APBB2: variants seen among roughly 807,000 people sequenced by gnomAD.
APBB2 encodes Fe65-like 1.
In APBB2, 38 loss-of-function variants were observed where a neutral mutation model predicts 82.5. The observed-to-expected ratio is 0.46, with a 90% CI of 0.36 to 0.60. The LOEUF (loss-of-function observed/expected upper bound fraction) is 0.60. APBB2 is among the 20% of genes least tolerant of loss of function. The pLI is 0.00. For synonymous variants in APBB2, 341 were observed against 368.2 expected (o/e 0.93, Z 0.85); for missense variants, 772 against 972.3 (o/e 0.79, Z 2.74).
rs529000697 is a variant in APBB2, at chr4:41,013,871, G to A, written c.547C>T (p.His183Tyr). ...RELEQNRGNH[H>Y]GTAEEKSQPV... ...TGGGATTTCTCTTCCGCAGTCCCAT[G>A]GTGATTGCCTCGGTTCTGCTCTAGT... is the stretch of plus-strand genomic sequence containing the variant. The change falls in exon 6 of 18, where the codon CAT becomes TAT. Residue 183 changes from histidine (H) to tyrosine (Y), a missense_variant. Physicochemically the swap from His to Tyr is moderately conservative, Grantham distance 83. Coordinates refer to ENST00000508593, the MANE Select transcript of APBB2 (RefSeq NM_004307.2). The A allele has an allele frequency of 1.9e-4, 310 of 1,614,178 alleles. 2 individuals carry two copies. The South Asian group carries it at 3.2e-3, about 17-fold the overall frequency.
In APBB2 at chr4:40,984,008, C is replaced by T. The variant is rs544366234; in HGVS notation, c.835+29575G>A. Among the ~76,000 whole-genome samples the T allele has an allele frequency of 5.5e-4, 84 of 152,296 alleles. No individual in the cohort carries two copies. The South Asian group carries it at 0.012, about 23-fold the overall frequency. On this transcript the variant is annotated intron_variant, in intron 6 of 17. Transcript: ENST00000508593. ...TCCAAAGAGAATCCATCGTCAGCAA[C>T]CATCTGGTTAAAGTGCTGGGGGTGG...
intron 3 of APBB2, among the ~76,000 whole-genome samples, chr4:41,068,745 A>T: frequency 6.6e-6 from 1 of 151,250 alleles, no homozygotes; most frequent in Admixed American, 6.6e-5. Flanking sequence ...ACATTTCCAA[A>T]GGTGTACGTG....
chr4:41,177,632 G>C (rs1335655549), intron 1 of APBB2: 2 of 152,232 alleles, frequency 1.3e-5, no homozygotes, highest in East Asian at 1.9e-4. Flanking sequence ...ACACACACCT[G>C]GTCTGGGTCC....
At chr4:41,158,948 C>G (rs940514944) in intron 1 of APBB2, among the ~76,000 whole-genome samples, 2 of 152,152 alleles carry the variant, frequency 1.3e-5, no homozygotes, top group Non-Finnish European at 2.9e-5. Flanking sequence ...GCCTCCTAGT[C>G]TATGACCTGG....
chr4:40,973,323 T>G (rs1355079748), intron 6 of APBB2, among the ~76,000 whole-genome samples: 1 of 152,296 alleles, frequency 6.6e-6, no homozygotes, highest in East Asian at 1.9e-4. Flanking sequence ...GGCCATCTTC[T>G]CAAATTCACA....
chr4:41,178,599 A>T (rs1198535443), intron 1 of APBB2, among the ~76,000 whole-genome samples: 1 of 152,174 alleles, frequency 6.6e-6, no homozygotes, highest in African/African-American at 2.4e-5. Context: ...TGGATGAATG[A>T]ACCTCATCTT....
At chr4:41,163,742 A>T (rs1004169053) in intron 1 of APBB2, among the ~76,000 whole-genome samples, 1 of 152,202 alleles carries the variant, frequency 6.6e-6, no homozygotes, top group African/African-American at 2.4e-5. Flanking sequence ...GATTTCTCTG[A>T]GGCCTTCCAT....
At chr4:41,005,168 T>C (rs922246269) in intron 6 of APBB2, among the ~76,000 whole-genome samples, 8 of 151,470 alleles carry the variant, frequency 5.3e-5, no homozygotes, top group African/African-American at 2.0e-4. Context: ...CTCAGCTCAC[T>C]GCAACCTCAG....
chr4:40,850,269 C>A (rs772223173), intron 12 of APBB2, among the ~76,000 whole-genome samples: 5 of 152,166 alleles, frequency 3.3e-5, no homozygotes, highest in Non-Finnish European at 7.3e-5. Flanking sequence ...GACCACTGTG[C>A]CCGGCTTTGT....
intron 6 of APBB2, among the ~76,000 whole-genome samples, chr4:40,981,514 T>C (rs1483732381): frequency 6.6e-6 from 1 of 152,186 alleles, no homozygotes. Flanking sequence ...CCTCCATTAG[T>C]ACAGATAATT....
intron 4 of APBB2, among the ~76,000 whole-genome samples, chr4:41,036,345 T>C (rs1719155319): frequency 6.6e-6 from 1 of 152,164 alleles, no homozygotes; most frequent in African/African-American, 2.4e-5. Flanking sequence ...TAAAATAAAA[T>C]ATTCCTGTTT....
chr4:41,138,202 A>G lies in APBB2; in HGVS notation c.-261+4785T>C, dbSNP rs561463087. The G allele has an allele frequency of 9.8e-5, 15 of 152,330 alleles. 1 individual carries two copies. In the East Asian group the frequency reaches 2.9e-3, roughly 29 times the overall value. The allele number at this position is 152,330 out of a possible 1,614,324, so 9.4% of individuals were successfully genotyped here. A position where few individuals can be genotyped will look rare whatever the true frequency, so the allele number is the denominator to read the frequency against. On this transcript the variant is annotated intron_variant, in intron 2 of 17. Coordinates refer to ENST00000508593, the MANE Select transcript of APBB2 (RefSeq NM_004307.2). Reference sequence around the variant, plus strand: ...AAAACTAAGTTTTAGAAAGAAACACAGAAACTTTTCATGAGCTTTGATTAG... The same window carrying G: ...AAAACTAAGTTTTAGAAAGAAACACGGAAACTTTTCATGAGCTTTGATTAG...
At chr4:40,824,656 T>C (rs1347254569) in intron 15 of APBB2, among the ~76,000 whole-genome samples, 3 of 152,008 alleles carry the variant, frequency 2.0e-5, no homozygotes, top group African/African-American at 7.3e-5. Flanking sequence ...CCCAGCTAAT[T>C]TTTTGAATTT....
chr4:40,977,318 G>GT (rs60943146), intron 6 of APBB2, among the ~76,000 whole-genome samples: 70,579 of 145,262 alleles, frequency 0.49, 17,182 homozygotes, highest in East Asian at 0.7. Context: ...CAATATAGTT[G>GT]TTTTTTTTTT....
intron 6 of APBB2, among the ~76,000 whole-genome samples, chr4:41,008,368 TTGATTAAGA>T (rs1807377868): frequency 6.6e-6 from 1 of 152,238 alleles, no homozygotes; most frequent in East Asian, 1.9e-4. Flanking sequence ...AAACCAGGCA[TTGATTAAGA>T]TATAACATCG....
chr4:40,837,086 CT>C (rs1754197083), intron 12 of APBB2, among the ~76,000 whole-genome samples: 1 of 152,188 alleles, frequency 6.6e-6, no homozygotes, highest in African/African-American at 2.4e-5. Context: ...GAAGAAATTG[CT>C]TTGTAGTAAA....
intron 4 of APBB2, among the ~76,000 whole-genome samples, chr4:41,042,527 A>G (rs755413769): frequency 6.6e-6 from 1 of 152,158 alleles, no homozygotes. Flanking sequence ...GATGTTAGCA[A>G]ATGGGATGAC....
rs114484418 is a variant in APBB2 at position 41,061,143 on chromosome 4, T to C, written c.-51+4433A>G. ...ACTGCAGGCCAAGGTCTGGAAGCTA[T>C]TGTAACAGTCCAGATCCTCACAGCT... is the stretch of plus-strand genomic sequence containing the variant. On this transcript the variant is annotated intron_variant, in intron 4 of 17. Transcript: ENST00000508593. Among the ~76,000 whole-genome samples, 666 of 152,304 alleles carry C rather than the reference T, an allele frequency of 4.4e-3. 4 individuals carry two copies. The highest frequency in any genetic ancestry group is 0.015 in the African/African-American group (618 of 41,570).
At chr4:41,153,594 A>G (rs1560895640) in intron 1 of APBB2, among the ~76,000 whole-genome samples, 1 of 152,196 alleles carries the variant, frequency 6.6e-6, no homozygotes. Context: ...TAGTAGTACA[A>G]TCTTAATCTT....
Sources: allele counts gnomAD v4.1 joint callset (sites outside exome capture counted in the v4.1 genomes callset), GRCh38; gene constraint gnomAD v4.1.1; transcripts MANE v1.5; gene names NCBI Gene and HGNC (gene_info 2026-07-23, HGNC 2026-07-21).